SASH1: variants seen among roughly 807,000 people sequenced by gnomAD.
SASH1 encodes the protein SAM and SH3 domain containing 1, also known as SAM and SH3 domain-containing protein 1.
SASH1 carries 44 observed loss-of-function variants against 125.2 expected under a neutral mutation model. The observed-to-expected ratio is 0.35, with a 90% CI of 0.28 to 0.45. SASH1 has a LOEUF of 0.45. Ranked by LOEUF, SASH1 falls within the 20% of genes least tolerant of loss-of-function variation. SASH1 has a pLI of 1.00. For synonymous variants in SASH1, 639 were observed against 649.1 expected, an observed-to-expected ratio of 0.98 and a Z score of 0.24; for missense variants, 1,426 against 1,614.5, an observed-to-expected ratio of 0.88 and a Z score of 2.00.
chr6:148,250,985 A>C, the SASH1 span, among the ~76,000 whole-genome samples: 1 of 152,224 alleles, frequency 6.6e-6, no homozygotes, highest in Admixed American at 6.5e-5. Context: ...TAGCATATAG[A>C]TTGCATCCTT....
rs560661943 is a variant in SASH1, at chr6:148,390,831, G to A, written c.285+569G>A. On this transcript the variant is annotated intron_variant, in intron 2 of 19. Transcript: ENST00000367467. ...TTTTATTTTTATTTTTTTACTTAAG[G>A]GAAAAGTATATTTTTACTGTTCACC... is the stretch of plus-strand genomic sequence containing the variant. Among the ~76,000 whole-genome samples, 9 of 151,888 alleles carry A rather than the reference G, an allele frequency of 5.9e-5. No individual in the cohort carries two copies. The South Asian group carries it at 1.7e-3, about 28-fold the overall frequency.
At chr6:148,357,682 A>C (rs977821400) in intron 1 of SASH1, among the ~76,000 whole-genome samples, 1 of 152,126 alleles carries the variant, frequency 6.6e-6, no homozygotes, top group African/African-American at 2.4e-5. Flanking sequence ...AACAGCACCC[A>C]TGACTGTCCA....
chr6:148,362,218 T>C (rs111714645), intron 1 of SASH1, among the ~76,000 whole-genome samples: 22,964 of 150,324 alleles, frequency 0.15, 1,798 homozygotes, highest in African/African-American at 0.18. Context: ...TGAGCCACCG[T>C]GCCTGGCCTC....
chr6:148,534,847 C>G lies in SASH1; in HGVS notation c.2041C>G (p.Pro681Ala). The G allele has an allele frequency of 1.2e-6, 2 of 1,614,186 alleles. No individual in the cohort carries two copies. The highest frequency in any genetic ancestry group is 1.7e-6 in the Non-Finnish European group (2 of 1,180,026). Residue 681 changes from proline (P) to alanine (A), a missense_variant, in exon 16 of 20, where the codon CCG (proline) becomes GCG (alanine). Pro to Ala is a conservative substitution (Grantham distance 27). This residue lies in a region of SASH1 where 225 missense variants were observed against 344.5 expected (regional missense o/e 0.65). Transcript: ENST00000367467. ...EDLDELNIRD[P>A]EHRAVLLTAV... Reference sequence around the variant, plus strand: ...CTTGGATGAGTTAAATATCAGGGACCCGGAACACAGAGCTGTTCTCTTGAC... The same window carrying G: ...CTTGGATGAGTTAAATATCAGGGACGCGGAACACAGAGCTGTTCTCTTGAC...
intron 4 of SASH1, among the ~76,000 whole-genome samples, chr6:148,458,374 G>A (rs925353586): frequency 2.0e-5 from 3 of 152,184 alleles, no homozygotes; most frequent in African/African-American, 7.2e-5. Context: ...AAGGGAGTCT[G>A]GGGAAGTGAG....
Position 148,549,251 on chromosome 6 carries a change from T to TG in SASH1, c.*694dup, listed in dbSNP as rs1406861406. 5.0e-6 allele frequency: 1 copy of TG among 198,336 alleles called. No individual in the cohort carries two copies. The highest frequency in any genetic ancestry group is 1.0e-5 in the Non-Finnish European group (1 of 99,044). The allele number at this position is 198,336 out of a possible 1,614,324, so 12.3% of individuals were successfully genotyped here. On this transcript the variant is annotated 3_prime_UTR_variant, in exon 20 of 20. Coordinates refer to ENST00000367467, the MANE Select transcript of SASH1 (RefSeq NM_015278.5). ...AGGCAGACATCGAACCTCTCTGGGA[T>TG]GTTTCCAGCAAAAGTGAGCTTTTCT...
intron 1 of SASH1, among the ~76,000 whole-genome samples, chr6:148,275,970 C>T (rs1035636285): frequency 3.3e-5 from 5 of 152,252 alleles, no homozygotes; most frequent in African/African-American, 1.2e-4. Context: ...ATCCTCCTGC[C>T]TCAGCCTCCC....
chr6:148,233,430 T>C, the SASH1 span, among the ~76,000 whole-genome samples: 1 of 152,122 alleles, frequency 6.6e-6, no homozygotes, highest in East Asian at 1.9e-4. Context: ...TTCTTCTTTC[T>C]CTCTTTTTAT....
chr6:148,418,761 A>G (rs1784926462), intron 2 of SASH1, among the ~76,000 whole-genome samples: 1 of 152,202 alleles, frequency 6.6e-6, no homozygotes, highest in Non-Finnish European at 1.5e-5. Context: ...TTCCGATGGA[A>G]GCACCTGATC....
chr6:148,371,002 C>T (rs1782683217), intron 1 of SASH1, among the ~76,000 whole-genome samples: 1 of 152,044 alleles, frequency 6.6e-6, no homozygotes, highest in Admixed American at 6.6e-5. Context: ...AGGATCTTAC[C>T]CAGTGCCTTG....
chr6:148,383,423 T>C (rs945573529), intron 1 of SASH1, among the ~76,000 whole-genome samples: 2 of 152,176 alleles, frequency 1.3e-5, no homozygotes, highest in East Asian at 3.8e-4. Flanking sequence ...TATGTACTTA[T>C]TATTAAGGAC....
At chr6:148,219,074 T>C in the SASH1 span, among the ~76,000 whole-genome samples, 1 of 152,174 alleles carries the variant, frequency 6.6e-6, no homozygotes, top group Non-Finnish European at 1.5e-5. Context: ...GCCTTGGTTA[T>C]AGGAACAGTG....
intron 2 of SASH1, among the ~76,000 whole-genome samples, chr6:148,421,260 A>G (rs1235815690): frequency 6.6e-6 from 1 of 152,132 alleles, no homozygotes; most frequent in East Asian, 1.9e-4. Flanking sequence ...TTAAATGTGT[A>G]TCTTTACCTT....
intron 2 of SASH1, among the ~76,000 whole-genome samples, chr6:148,418,882 C>T (rs1784931624): frequency 6.6e-6 from 1 of 152,172 alleles, no homozygotes; most frequent in African/African-American, 2.4e-5. Context: ...CTTCTTCCAC[C>T]CTCAGATCAT....
At chr6:148,461,493 A>G (rs1777609453) in intron 4 of SASH1, among the ~76,000 whole-genome samples, 1 of 152,206 alleles carries the variant, frequency 6.6e-6, no homozygotes, top group Non-Finnish European at 1.5e-5. Context: ...CAGCCAGTGA[A>G]TTCACAAGCT....
chr6:148,223,142 T>A, the SASH1 span, among the ~76,000 whole-genome samples: 1 of 139,552 alleles, frequency 7.2e-6, no homozygotes, highest in Admixed American at 7.7e-5. Flanking sequence ...CAGCGGAGCA[T>A]GGTGGATAAG....
chr6:148,415,504 T>C (rs1784787767), intron 2 of SASH1, among the ~76,000 whole-genome samples: 2 of 152,226 alleles, frequency 1.3e-5, no homozygotes, highest in Non-Finnish European at 2.9e-5. Context: ...TAGGACCGTT[T>C]TCTTTAAAAA....
chr6:148,300,816 C>T (rs866654012), intron 1 of SASH1, among the ~76,000 whole-genome samples: 9 of 152,088 alleles, frequency 5.9e-5, no homozygotes, highest in Middle Eastern at 3.4e-3. Flanking sequence ...TCATTTAGAC[C>T]AAGGAAGCAA....
chr6:148,493,743 G>A (rs1779204880), intron 8 of SASH1, among the ~76,000 whole-genome samples: 1 of 151,922 alleles, frequency 6.6e-6, no homozygotes, highest in Non-Finnish European at 1.5e-5. Context: ...AGTTACCAGG[G>A]GAAGTGAAAA....
Sources: allele counts gnomAD v4.1 joint callset (sites outside exome capture counted in the v4.1 genomes callset), GRCh38; gene constraint gnomAD v4.1.1; regional missense constraint gnomAD v4.1.1; transcripts MANE v1.5; gene names NCBI Gene and HGNC (gene_info 2026-07-23, HGNC 2026-07-21).